Variants in MMP28 observed in about 807,000 individuals in gnomAD.
MMP28 encodes the protein matrix metallopeptidase 28.
A neutral mutation model predicts 60.5 loss-of-function variants in MMP28; 55 were observed. The observed-to-expected ratio is 0.91, with a 90% CI of 0.73 to 1.14. MMP28 has a LOEUF of 1.14. MMP28 is among the 50% of genes most tolerant of loss of function. MMP28 has a pLI of 0.00. For missense variants in MMP28, 686 were observed against 738.3 expected, an observed-to-expected ratio of 0.93 and a Z score of 0.82; for synonymous variants, 318 against 312.5, an observed-to-expected ratio of 1.02 and a Z score of -0.18.
chr17:35,767,057 C>G (rs1555603782), intron 7 of MMP28, 163 bp from the exon 8 acceptor site: 3 of 758,586 alleles, frequency 4.0e-6, no homozygotes, highest in Admixed American at 4.0e-5. Flanking sequence ...TTATAAATAG[C>G]AGGGTGGTAG....
intron 1 of MMP28, among the ~76,000 whole-genome samples, chr17:35,781,507 T>G (rs2086501708): frequency 6.6e-6 from 1 of 152,192 alleles, no homozygotes; most frequent in African/African-American, 2.4e-5. Flanking sequence ...TACCTTTGAC[T>G]CTGCCTACCC....
chr17:35,777,887 G>A (rs1458352637), intron 3 of MMP28, among the ~76,000 whole-genome samples: 1 of 152,214 alleles, frequency 6.6e-6, no homozygotes, highest in East Asian at 1.9e-4. Context: ...AATTAGCTGG[G>A]CGTGGTGGCA....
intron 3 of MMP28, among the ~76,000 whole-genome samples, chr17:35,776,180 T>C (rs1555607591): frequency 6.8e-6 from 1 of 147,008 alleles, no homozygotes; most frequent in Non-Finnish European, 1.5e-5. Context: ...AGGCTTTTTC[T>C]TTTTTTTTTG....
chr17:35,762,318 A>G (rs781909663), downstream of MMP28, among the ~76,000 whole-genome samples: 2 of 152,120 alleles, frequency 1.3e-5, no homozygotes, highest in Non-Finnish European at 2.9e-5. Flanking sequence ...TTTCCATAGC[A>G]AACTCCACGA....
chr17:35,795,071 C>T (rs2086928568), intron 1 of MMP28, among the ~76,000 whole-genome samples, 196 bp downstream of exon 1: 1 of 152,234 alleles, frequency 6.6e-6, no homozygotes, highest in Non-Finnish European at 1.5e-5. Flanking sequence ...AGTGCGGATC[C>T]GCGTGCCTGT....
At chr17:35,789,336 A>G (rs2086742958) in intron 1 of MMP28, among the ~76,000 whole-genome samples, 1 of 152,240 alleles carries the variant, frequency 6.6e-6, no homozygotes, top group South Asian at 2.1e-4. Flanking sequence ...TCATTTAAGA[A>G]ATTTAGCCCT....
intron 6 of MMP28, 81 bp from the exon 7 acceptor site, chr17:35,768,000 A>G: frequency 6.8e-7 from 1 of 1,476,614 alleles, no homozygotes; most frequent in Non-Finnish European, 9.1e-7. Flanking sequence ...CCTGGAAGCC[A>G]GTTTCCCAAA....
intron 3 of MMP28, among the ~76,000 whole-genome samples, chr17:35,774,409 C>T (rs990531503): frequency 1.3e-5 from 2 of 152,226 alleles, no homozygotes; most frequent in African/African-American, 4.8e-5. Flanking sequence ...GACAAGGGGC[C>T]TGCCCAGGGT....
At chr17:35,769,737 G>A (rs535733474) in intron 5 of MMP28, among the ~76,000 whole-genome samples, 2 of 151,980 alleles carry the variant, frequency 1.3e-5, no homozygotes, top group Non-Finnish European at 2.9e-5. Flanking sequence ...GTGATGGGGC[G>A]GGCACATGGT....
In MMP28 at chr17:35,773,259, G is replaced by A; in HGVS notation, c.525C>T (p.Ala175=). ...TGAGCCGGATGTCAGCGGGGCCTGT[G>A]GCTGGGGCCTCCCAGAACTCCAGCG... The part of the protein sequence containing the change: ...VSALEFWEAP[A]TGPADIRLTF... Residue 175 remains alanine, a synonymous_variant, in exon 4 of 8, where the codon GCC becomes GCT. Coordinates refer to ENST00000605424, the MANE Select transcript of MMP28 (RefSeq NM_024302.5). 2 of 1,614,040 alleles carry A rather than the reference G, an allele frequency of 1.2e-6. No homozygotes were observed. Among genetic ancestry groups the A allele is most frequent in the African/African-American group, 1.3e-5 (1 of 75,066 alleles).
chr17:35,784,082 G>T (rs1341839427), intron 1 of MMP28, among the ~76,000 whole-genome samples: 1 of 152,058 alleles, frequency 6.6e-6, no homozygotes, highest in South Asian at 2.1e-4. Flanking sequence ...GGAGTTCAAG[G>T]CCAGCCTGGC....
Position 35,766,063 on chromosome 17 carries a change from C to T in MMP28, c.*437G>A, listed in dbSNP as rs1555602978. On this transcript the variant is annotated 3_prime_UTR_variant, in exon 8 of 8. Coordinates refer to ENST00000605424, the MANE Select transcript of MMP28 (RefSeq NM_024302.5). This position sits in a 1 kb window ranked among gnomAD's most constrained non-coding sequence, Gnocchi z 4.3. ...TGGGGCCTCTGACTAAATATGACAC[C>T]GTTTTTCAAGAACTGAGCCAGGGGG... is the stretch of plus-strand genomic sequence containing the variant. The T allele has an allele frequency of 3.0e-6, 3 of 990,770 alleles. No individual in the cohort carries two copies. In the African/African-American group the frequency reaches 5.2e-5, roughly 17 times the overall value. The allele number at this position is 990,770 out of a possible 1,614,324, so 61.4% of individuals were successfully genotyped here.
intron 1 of MMP28, among the ~76,000 whole-genome samples, chr17:35,788,447 A>G (rs2086718091): frequency 6.6e-6 from 1 of 152,098 alleles, no homozygotes; most frequent in Non-Finnish European, 1.5e-5. Context: ...CCACTACCCA[A>G]ATCCTGGTAA....
chr17:35,777,787 G>A (rs1015112390), intron 3 of MMP28, among the ~76,000 whole-genome samples: 1 of 152,236 alleles, frequency 6.6e-6, no homozygotes, highest in Non-Finnish European at 1.5e-5. Context: ...GGTGGCTCAC[G>A]CCTACAATCC....
chr17:35,784,637 C>A (rs1313656106), intron 1 of MMP28, among the ~76,000 whole-genome samples: 2 of 152,118 alleles, frequency 1.3e-5, no homozygotes, highest in African/African-American at 2.4e-5. Flanking sequence ...GGAGTGGCAG[C>A]ATGACAAAGG....
At chr17:35,760,819 T>G (rs781791222) in intron 2 of MMP28, 15 of 1,180,064 alleles carry the variant, frequency 1.3e-5, no homozygotes, top group Non-Finnish European at 1.7e-5. Flanking sequence ...GCAGGTGAGG[T>G]TCTAGCCCCA....
At chr17:35,769,961 C>A (rs2086068728) in intron 5 of MMP28, 106 bp downstream of exon 5, 1 of 1,392,538 alleles carries the variant, frequency 7.2e-7, no homozygotes, top group African/African-American at 1.5e-5. Flanking sequence ...GAGGCCAGAT[C>A]TATGAGCTTA....
chr17:35,792,322 T>A lies in MMP28; in HGVS notation c.111+2945A>T, dbSNP rs552797664. ...CTCTTCTCCCCGCTCCCAACACTCA[T>A]CCCCAGGACCCAGACACCATGTTAT... On this transcript the variant is annotated intron_variant, in intron 1 of 7. Coordinates refer to ENST00000605424, the MANE Select transcript of MMP28 (RefSeq NM_024302.5). Among the ~76,000 whole-genome samples the A allele has an allele frequency of 2.6e-5, 4 of 151,976 alleles. No individual in the cohort carries two copies. In the East Asian group the frequency reaches 7.7e-4, roughly 29 times the overall value.
chr17:35,795,286 T>C lies in MMP28; in HGVS notation c.92A>G (p.Glu31Gly). 1 of 1,461,160 alleles carries C rather than the reference T, an allele frequency of 6.8e-7. No individual in the cohort carries two copies. The highest frequency in any genetic ancestry group is 9.0e-7 in the Non-Finnish European group (1 of 1,106,148). The allele number at this position is 1,461,160 out of a possible 1,614,324, so 90.5% of individuals were successfully genotyped here. A position where few individuals can be genotyped will look rare whatever the true frequency, so the allele number is the denominator to read the frequency against. The change falls in exon 1 of 8, where the codon GAG (glutamate) becomes GGG (glycine). Residue 31 changes from glutamate to glycine, a missense_variant. Physicochemically the swap from Glu to Gly is moderately conservative, Grantham distance 98. Coordinates refer to ENST00000605424, the MANE Select transcript of MMP28 (RefSeq NM_024302.5). ...DAQPAERGGQ[E>G]LRKEAEAFLE... ...GCGTACCTCCGCCTCCTTGCGCAGC[T>C]CCTGGCCTCCGCGCTCCGCGGGCTG...
Sources: gnomAD v4.1 joint callset for allele counts (sites outside exome capture counted in the v4.1 genomes callset) on GRCh38, gnomAD v4.1.1 for gene constraint, Gnocchi (gnomAD v3.1) non-coding constraint, MANE v1.5 for transcripts, NCBI Gene and HGNC (gene_info 2026-07-23, HGNC 2026-07-21) for gene names.